STXBP2: variants seen among roughly 807,000 people sequenced by gnomAD.
STXBP2 encodes syntaxin-binding protein 2.
Under a neutral mutation model 72.2 loss-of-function variants are expected in STXBP2, and 47 were observed. The observed-to-expected ratio is 0.65, with a 90% CI of 0.51 to 0.83. The LOEUF (loss-of-function observed/expected upper bound fraction) is 0.83. STXBP2 is among the 40% of genes least tolerant of loss of function. The pLI, the probability that STXBP2 is intolerant of heterozygous loss-of-function variation, is 0.00. For missense variants in STXBP2, 702 were observed against 807.6 expected (o/e 0.87, Z 1.58); for synonymous variants, 367 against 338.7 (o/e 1.08, Z -0.92).
At chr19:7,638,294 G>T (rs1287027999) in intron 1 of STXBP2, among the ~76,000 whole-genome samples, 1 of 152,214 alleles carries the variant, frequency 6.6e-6, no homozygotes, top group Non-Finnish European at 1.5e-5. Context: ...AAGCCAATTT[G>T]CAGAACTGGG....
Position 7,647,264 on chromosome 19 carries a change from GC to G in STXBP2, c.1538+22del, listed in dbSNP as rs781015314. On this transcript the variant is annotated intron_variant, in intron 17 of 18. Transcript: ENST00000221283. ...CGCTGTCAGGTGAGGCCCCGGGGCC[GC>G]CCCCGCCCACGCCTGGGTCTGTGTT... is the stretch of plus-strand genomic sequence containing the variant. The G allele has an allele frequency of 3.7e-6, 6 of 1,610,092 alleles. No homozygotes were observed. The East Asian group carries it at 1.1e-4, about 30-fold the overall frequency.
chr19:7,640,121 CGTGTGTATGTATGT>C (rs995390991), intron 4 of STXBP2: 5 of 517,622 alleles, frequency 9.7e-6, no homozygotes, highest in Middle Eastern at 5.4e-4. Context: ...TGTGTGTATG[CGTGTGTATGTATGT>C]GTGTGTGCAT....
At position 7,642,299 on chromosome 19, in the gene STXBP2, T is replaced by G; in HGVS notation, c.760T>G (p.Tyr254Asp). ...TGAGCTCACGTTCCAGGCCATGGCGTATGATCTGCTGGACATAGAGCAGGA... is the reference window on the plus strand; with the variant it reads ...TGAGCTCACGTTCCAGGCCATGGCGGATGATCTGCTGGACATAGAGCAGGA... ...LHELTFQAMA[Y>D]DLLDIEQDTY... The change falls in exon 9 of 19, where the codon TAT (tyrosine) becomes GAT (aspartate). Residue 254 changes from tyrosine to aspartate, a missense_variant. Physicochemically the swap from Tyr to Asp is radical, Grantham distance 160. Coordinates refer to ENST00000221283, the MANE Select transcript of STXBP2 (RefSeq NM_006949.4). This position sits in a 1 kb window ranked among gnomAD's most constrained non-coding sequence, Gnocchi z 6.0. 1 of 1,614,134 alleles carries G rather than the reference T, an allele frequency of 6.2e-7. No individual in the cohort carries two copies. Among genetic ancestry groups the G allele is most frequent in the Non-Finnish European group, 8.5e-7 (1 of 1,180,006 alleles).
chr19:7,636,590 C>CCTCTCTCCCCATCT (rs2146201600), upstream of STXBP2: 1 of 152,278 alleles, frequency 6.6e-6, no homozygotes, highest in African/African-American at 2.4e-5. Flanking sequence ...CTCGTCGGCA[C>CCTCTCTCCCCATCT]CGCAGTCCAG....
chr19:7,637,107 C>G (rs1056024537), upstream of STXBP2: 2 of 1,237,744 alleles, frequency 1.6e-6, no homozygotes, highest in Admixed American at 4.2e-5. Context: ...ACGCCCCCAC[C>G]TTGGGACACA....
intron 15 of STXBP2, 156 bp from the exon 16 acceptor site, chr19:7,646,093 C>G: frequency 1.6e-6 from 1 of 640,312 alleles, no homozygotes; most frequent in Non-Finnish European, 2.8e-6. Context: ...TTCTCTCTCT[C>G]GCTTTCTTGC....
rs755717157 is a variant in STXBP2, at chr19:7,647,239, C to A, written c.1530C>A (p.Ala510=). 2 of 1,611,338 alleles carry A rather than the reference C, an allele frequency of 1.2e-6. No homozygotes were observed. Among genetic ancestry groups the A allele is most frequent in the Non-Finnish European group, 1.7e-6 (2 of 1,179,594 alleles). ...CCGCCCCCACGGCCAGCTCCCAGGC[C>A]GCTGTCAGGTGAGGCCCCGGGGCCG... The part of the protein sequence containing the change: ...SDPAPTASSQ[A]AVSARFGHWH... The change falls in exon 17 of 19, where the codon GCC becomes GCA. Residue 510 remains alanine, a synonymous_variant. Transcript: ENST00000221283.
rs1002379285 is a variant in STXBP2 at position 7,642,526 on chromosome 19, G to A, written c.892G>A (p.Asp298Asn). Residue 298 changes from aspartate to asparagine, a missense_variant, in exon 10 of 19, where the codon GAT becomes AAT. Physicochemically the swap from Asp to Asn is conservative, Grantham distance 23. Transcript: ENST00000221283. The surrounding 1 kb of genome is among the most constrained non-coding windows in gnomAD (Gnocchi z 6.0). ...WVELRHMHIA[D>N]VSKKVTELLR... is the part of the protein sequence containing the mutation. ...GGAGCTTCGCCACATGCATATCGCA[G>A]ATGTGTCCAAGTGCGTGCACACGGG... 25 of 1,613,926 alleles carry A rather than the reference G, an allele frequency of 1.5e-5. No individual in the cohort carries two copies. Among genetic ancestry groups the A allele is most frequent in the Non-Finnish European group, 2.1e-5 (25 of 1,180,028 alleles).
At position 7,647,394 on chromosome 19, in the gene STXBP2, G is replaced by T. The variant is rs1216911717; in HGVS notation, c.1579G>T (p.Glu527Ter). 1 of 1,613,532 alleles carries T rather than the reference G, an allele frequency of 6.2e-7. No homozygotes were observed. Among genetic ancestry groups the T allele is most frequent in the Non-Finnish European group, 8.5e-7 (1 of 1,179,970 alleles). The change falls in exon 18 of 19, where the codon GAA (glutamate) becomes TAA (stop). Residue 527 changes from glutamate to a stop codon, truncating the protein, a stop_gained. Transcript: ENST00000221283. LOFTEE classifies it high-confidence loss of function. The stretch of plus-strand genomic sequence containing the variant: ...CTGGCACAAGAACAAGGCTGGCATA[G>T]AAGCCCGGGCGGGCCCCCGGCTCAT... ...GHWHKNKAGI[E>*]ARAGPRLIVY...
intron 4 of STXBP2, 159 bp from the exon 5 acceptor site, chr19:7,640,572 G>GC: frequency 1.2e-6 from 1 of 845,524 alleles, no homozygotes; most frequent in Non-Finnish European, 2.0e-6. Flanking sequence ...GTGCGCGTGT[G>GC]CCCATGTGGG....
Position 7,643,041 on chromosome 19 carries a change from T to C in STXBP2, c.1019T>C (p.Leu340Pro), listed in dbSNP as rs1209006500. The change falls in exon 12 of 19, where the codon CTG (leucine) becomes CCG (proline). Residue 340 changes from leucine (L) to proline (P), a missense_variant. Coordinates refer to ENST00000221283, the MANE Select transcript of STXBP2 (RefSeq NM_006949.4). ...LKKMPQYQKELNKYSTHLHLA... is the reference protein window; with the variant it reads ...LKKMPQYQKEPNKYSTHLHLA... ...AAGATGCCGCAGTACCAGAAGGAGC[T>C]GAATAAGGTGTGCTCGGGTGGGCAG... 2.5e-6 allele frequency: 4 copies of C among 1,614,022 alleles called. No individual in the cohort carries two copies. Among genetic ancestry groups the C allele is most frequent in the Non-Finnish European group, 3.4e-6 (4 of 1,180,036 alleles).
At position 7,647,420 on chromosome 19, in the gene STXBP2, C is replaced by T. The variant is rs554112164; in HGVS notation, c.1605C>T (p.Ile535=). The T allele has an allele frequency of 1.9e-5, 30 of 1,613,628 alleles. No individual in the cohort carries two copies. Among genetic ancestry groups the T allele is most frequent in the Non-Finnish European group, 2.3e-5 (27 of 1,179,952 alleles). ...GIEARAGPRL[I]VYVMGGVAMS... ...AAGCCCGGGCGGGCCCCCGGCTCAT[C>T]GTGTATGTCATGGGCGGTGTGGCCA... The change falls in exon 18 of 19, where the codon ATC becomes ATT. Residue 535 remains isoleucine (I), a synonymous_variant. Coordinates refer to ENST00000221283, the MANE Select transcript of STXBP2 (RefSeq NM_006949.4).
upstream of STXBP2, chr19:7,633,706 C>T: frequency 1.8e-6 from 1 of 553,354 alleles, no homozygotes; most frequent in Admixed American, 3.3e-5. Context: ...TCGCTGTGCC[C>T]AGCAGCAATG....
At chr19:7,632,710 G>C (rs1429280317), upstream of STXBP2, 9 of 1,555,000 alleles carry the variant, frequency 5.8e-6, no homozygotes, top group Non-Finnish European at 7.8e-6. The surrounding 1 kb of genome is among the most constrained non-coding windows in gnomAD (Gnocchi z 5.2). Context: ...CCGTGCCCAT[G>C]CTCACGGCTC....
chr19:7,639,792 G>A lies in STXBP2; in HGVS notation c.231G>A (p.Leu77=). The change falls in exon 4 of 19, where the codon CTG becomes CTA. Residue 77 remains leucine, a synonymous_variant. Coordinates refer to ENST00000221283, the MANE Select transcript of STXBP2 (RefSeq NM_006949.4). ...CCAGTCTGGAGGCCATTTATTTGCT[G>A]AGCCCCACGGAGAAGGTGCCTACAT... ...PIPSLEAIYL[L]SPTEKSVQAL... 2 of 1,613,892 alleles carry A rather than the reference G, an allele frequency of 1.2e-6. No homozygotes were observed. Among genetic ancestry groups the A allele is most frequent in the Non-Finnish European group, 1.7e-6 (2 of 1,179,984 alleles).
At position 7,642,719 on chromosome 19, in the gene STXBP2, G is replaced by A. The variant is rs1481486845; in HGVS notation, c.903-47G>A. 28 of 1,603,088 alleles carry A rather than the reference G, an allele frequency of 1.7e-5. No individual in the cohort carries two copies. Among genetic ancestry groups the A allele is most frequent in the Middle Eastern group, 1.7e-4 (1 of 6,002 alleles). On this transcript the variant is annotated intron_variant, in intron 10 of 18. Transcript: ENST00000221283. The surrounding 1 kb of genome is among the most constrained non-coding windows in gnomAD (Gnocchi z 6.0). ...CCCTGAGTGGGCTCACCCATGGCCT[G>A]TGGCTCCTCTCCCCTCACTCTCACC...
rs781198718 is a variant in STXBP2, at chr19:7,640,595, G to A, written c.247-136G>A. 6 of 1,129,222 alleles carry A rather than the reference G, an allele frequency of 5.3e-6. 1 individual carries two copies. In the South Asian group the frequency reaches 6.5e-5, roughly 12 times the overall value. The allele number at this position is 1,129,222 out of a possible 1,614,324, so 70.0% of individuals were successfully genotyped here. ...GTGCCCATGTGGGTGCGACACTAGT[G>A]TGCATTTGCACATATACATGTCCCC... is the stretch of plus-strand genomic sequence containing the variant. On this transcript the variant is annotated intron_variant, in intron 4 of 18. Transcript: ENST00000221283.
chr19:7,638,989 CTCCATCCATCTG>C lies in STXBP2; in HGVS notation c.88-17_88-6del, dbSNP rs781762309. 4.2e-5 allele frequency: 68 copies of C among 1,613,390 alleles called. No individual in the cohort carries two copies. Among genetic ancestry groups the C allele is most frequent in the Admixed American group, 3.7e-4 (22 of 60,010 alleles). ...CAGCTGTGGCCTCTTCCGCCTGCTCCTCCATCCATCTGTCCATCCATCTGGACAGGTGCTTAT... is the reference window on the plus strand; with the variant it reads ...CAGCTGTGGCCTCTTCCGCCTGCTCCTCCATCCATCTGGACAGGTGCTTAT... On this transcript the variant is annotated intron_variant, in intron 2 of 18. Coordinates refer to ENST00000221283, the MANE Select transcript of STXBP2 (RefSeq NM_006949.4).
upstream of STXBP2, chr19:7,632,742 G>T (rs377442160): frequency 2.7e-4 from 427 of 1,564,252 alleles, no homozygotes; most frequent in Non-Finnish European, 3.5e-4. This position sits in a 1 kb window ranked among gnomAD's most constrained non-coding sequence, Gnocchi z 5.2. Context: ...GCCCGGCCCG[G>T]CTTGCAGTGA....
Sources: gnomAD v4.1 joint callset for allele counts (sites outside exome capture counted in the v4.1 genomes callset) on GRCh38, gnomAD v4.1.1 for gene constraint, Gnocchi (gnomAD v3.1) non-coding constraint, MANE v1.5 for transcripts, NCBI Gene and HGNC (gene_info 2026-07-23, HGNC 2026-07-21) for gene names.